The following CAMKMT variants were observed in gnomAD, a reference collection of about 807,000 sequenced individuals.
CAMKMT encodes the protein CaM KMT.
Under a neutral mutation model 48.0 loss-of-function variants are expected in CAMKMT, and 53 were observed. That is an observed-to-expected ratio of 1.10 (90% CI 0.89 to 1.39). The LOEUF (loss-of-function observed/expected upper bound fraction) is 1.39, where lower values mean the gene tolerates loss of function less well. Among genes scored for constraint, CAMKMT ranks in the 40% most tolerant of loss-of-function variants. CAMKMT has a pLI of 0.00. For missense variants in CAMKMT, 428 were observed against 402.7 expected (o/e 1.06, Z -0.54); for synonymous variants, 165 against 152.3 (o/e 1.08, Z -0.61).
At chr2:44,523,065 T>C (rs1001886658) in intron 3 of CAMKMT, among the ~76,000 whole-genome samples, 4 of 152,172 alleles carry the variant, frequency 2.6e-5, no homozygotes, top group Non-Finnish European at 5.9e-5. Context: ...ACTAATGCCA[T>C]GTGTTTTAGA....
At chr2:44,488,562 C>A (rs1344363805) in intron 3 of CAMKMT, among the ~76,000 whole-genome samples, 1 of 151,810 alleles carries the variant, frequency 6.6e-6, no homozygotes, top group Non-Finnish European at 1.5e-5. Flanking sequence ...ATTAGCCAGG[C>A]ATGGTGGTGT....
intron 8 of CAMKMT, among the ~76,000 whole-genome samples, chr2:44,747,211 A>G (rs893106617): frequency 5.3e-5 from 8 of 152,276 alleles, no homozygotes; most frequent in African/African-American, 1.7e-4. Flanking sequence ...ATATACTCTA[A>G]ATTGTTTCTT....
intron 3 of CAMKMT, among the ~76,000 whole-genome samples, chr2:44,638,560 TA>T (rs1482131203): frequency 6.6e-6 from 1 of 152,234 alleles, no homozygotes; most frequent in Non-Finnish European, 1.5e-5. Context: ...TCAGAGTATC[TA>T]TTGTCTTTCA....
In CAMKMT at chr2:44,442,658, A is replaced by G. The variant is rs118133540; in HGVS notation, c.376+52353A>G. Among the ~76,000 whole-genome samples the G allele has an allele frequency of 1.6e-4, 24 of 152,346 alleles. 1 individual carries two copies. In the East Asian group the frequency reaches 3.9e-3, roughly 24 times the overall value. On this transcript the variant is annotated intron_variant, in intron 3 of 10. Coordinates refer to ENST00000378494, the MANE Select transcript of CAMKMT (RefSeq NM_024766.5). ...ACTTCTACTGATGTTTCTAAATACA[A>G]TTGAAATGCTACCTTCTTGTTAAAG...
intron 3 of CAMKMT, among the ~76,000 whole-genome samples, chr2:44,524,240 G>A (rs529583456): frequency 6.6e-6 from 1 of 152,088 alleles, no homozygotes; most frequent in East Asian, 1.9e-4. Context: ...AAAAATTGGG[G>A]GCTCATGTTT....
chr2:44,683,001 C>G (rs1676110683), intron 3 of CAMKMT, among the ~76,000 whole-genome samples: 1 of 151,980 alleles, frequency 6.6e-6, no homozygotes, highest in South Asian at 2.1e-4. Context: ...AACAGAAGCC[C>G]AATTATATAA....
chr2:44,672,413 G>GT lies in CAMKMT; in HGVS notation c.377-31861dup, dbSNP rs968493246. Among the ~76,000 whole-genome samples the GT allele has an allele frequency of 1.6e-3, 247 of 151,170 alleles. 1 individual carries two copies. The highest frequency in any genetic ancestry group is 5.2e-3 in the African/African-American group (215 of 41,172). On this transcript the variant is annotated intron_variant, in intron 3 of 10. Coordinates refer to ENST00000378494, the MANE Select transcript of CAMKMT (RefSeq NM_024766.5). Reference sequence around the variant, plus strand: ...GCTAAAATAGTAAATAATTTTGTGGGTTTTTTTTTCAGCTGCTCTTCATTT... The same window carrying GT: ...GCTAAAATAGTAAATAATTTTGTGGGTTTTTTTTTTCAGCTGCTCTTCATTT...
chr2:44,762,405 A>C (rs1680654198), intron 9 of CAMKMT, among the ~76,000 whole-genome samples: 1 of 152,218 alleles, frequency 6.6e-6, no homozygotes, highest in African/African-American at 2.4e-5. Flanking sequence ...TAGGAAGTGA[A>C]AAAGGAACAA....
intron 3 of CAMKMT, among the ~76,000 whole-genome samples, chr2:44,563,663 C>T (rs1038459709): frequency 1.3e-5 from 2 of 152,080 alleles, no homozygotes; most frequent in Non-Finnish European, 2.9e-5. Flanking sequence ...GTGATGTTCC[C>T]CACCCTGTGT....
intron 10 of CAMKMT, among the ~76,000 whole-genome samples, chr2:44,767,957 T>A (rs1295859241): frequency 6.6e-6 from 1 of 152,066 alleles, no homozygotes; most frequent in Non-Finnish European, 1.5e-5. Context: ...AAGGCTTGGG[T>A]TTCTCCACCA....
At chr2:44,475,508 G>T (rs1402945934) in intron 3 of CAMKMT, among the ~76,000 whole-genome samples, 1 of 152,004 alleles carries the variant, frequency 6.6e-6, no homozygotes, top group African/African-American at 2.4e-5. Flanking sequence ...AGTAGAGATG[G>T]GGTTTCACCA....
chr2:44,473,692 G>A (rs1265870889), intron 3 of CAMKMT, among the ~76,000 whole-genome samples: 1 of 152,192 alleles, frequency 6.6e-6, no homozygotes, highest in Admixed American at 6.5e-5. Context: ...GGAAGTTACA[G>A]TTTAATGTGG....
At chr2:44,544,176 A>G (rs1667272260) in intron 3 of CAMKMT, among the ~76,000 whole-genome samples, 1 of 152,068 alleles carries the variant, frequency 6.6e-6, no homozygotes, top group African/African-American at 2.4e-5. Context: ...CCATGTTTAT[A>G]CCTAAAATAG....
At chr2:44,452,994 A>G (rs1667372678) in intron 3 of CAMKMT, among the ~76,000 whole-genome samples, 1 of 152,048 alleles carries the variant, frequency 6.6e-6, no homozygotes, top group Non-Finnish European at 1.5e-5. Context: ...TACATTTGCT[A>G]GTTTAAAAGA....
At chr2:44,521,212 G>A (rs1327356774) in intron 3 of CAMKMT, among the ~76,000 whole-genome samples, 1 of 152,110 alleles carries the variant, frequency 6.6e-6, no homozygotes, top group African/African-American at 2.4e-5. Context: ...TGGTAATACT[G>A]TTTTCAACAG....
intron 1 of CAMKMT, among the ~76,000 whole-genome samples, chr2:44,366,996 A>C (rs1009546483): frequency 2.0e-5 from 3 of 152,106 alleles, no homozygotes; most frequent in Non-Finnish European, 2.9e-5. Flanking sequence ...AAGTGCTGGG[A>C]TTACACGTGT....
rs192262080 is a variant in CAMKMT, at chr2:44,446,429, C to T, written c.376+56124C>T. On this transcript the variant is annotated intron_variant, in intron 3 of 10. Coordinates refer to ENST00000378494, the MANE Select transcript of CAMKMT (RefSeq NM_024766.5). Reference sequence around the variant, plus strand: ...TGTTGTGATCTCAGTTCACTGCAACCTCTGCCTCCTGGGTTCAAGCAATTC... The same window carrying T: ...TGTTGTGATCTCAGTTCACTGCAACTTCTGCCTCCTGGGTTCAAGCAATTC... 1.6e-4 allele frequency among the ~76,000 whole-genome samples: 25 copies of T among 152,240 alleles called. No individual in the cohort carries two copies. In the East Asian group the frequency reaches 4.8e-3, roughly 29 times the overall value.
chr2:44,685,126 C>T (rs533101045), intron 3 of CAMKMT, among the ~76,000 whole-genome samples: 2 of 151,654 alleles, frequency 1.3e-5, no homozygotes, highest in South Asian at 4.2e-4. Context: ...TCAAAGACAA[C>T]ATAAAGAAAG....
intron 3 of CAMKMT, among the ~76,000 whole-genome samples, chr2:44,474,465 A>G (rs544310214): frequency 6.6e-6 from 1 of 151,384 alleles, no homozygotes; most frequent in Admixed American, 6.6e-5. Flanking sequence ...AAAAAAAAAG[A>G]AAAAGAAAAA....
Sources: allele counts gnomAD v4.1 joint callset (sites outside exome capture counted in the v4.1 genomes callset), GRCh38; gene constraint gnomAD v4.1.1; transcripts MANE v1.5; gene names NCBI Gene and HGNC (gene_info 2026-07-23, HGNC 2026-07-21).